The following COL14A1 variants were observed in gnomAD, a reference collection of about 807,000 sequenced individuals.
COL14A1 encodes collagen alpha-1(XIV) chain.
COL14A1 carries 136 observed loss-of-function variants against 230.3 expected under a neutral mutation model. The ratio of observed to expected loss-of-function variants is 0.59; its 90% CI spans 0.51 to 0.68. The LOEUF (loss-of-function observed/expected upper bound fraction) is 0.68, where lower values mean the gene tolerates loss of function less well. Ranked by LOEUF, COL14A1 falls within the 30% of genes least tolerant of loss-of-function variation. COL14A1 has a pLI of 0.00. For missense variants in COL14A1, 1,976 were observed against 2,215.8 expected (o/e 0.89, Z 2.17); for synonymous variants, 792 against 784.1 (o/e 1.01, Z -0.17).
In COL14A1 at chr8:120,266,801, A is replaced by C. The variant is rs764218975; in HGVS notation, c.3017-26A>C. On this transcript the variant is annotated intron_variant, in intron 24 of 47. Transcript: ENST00000297848. ...TCCCCACAGATGAGATGGTGAACTGATGTCCTTTCTCCCTTTCCTTTACAG... is the reference window on the plus strand; with the variant it reads ...TCCCCACAGATGAGATGGTGAACTGCTGTCCTTTCTCCCTTTCCTTTACAG... 1.9e-6 allele frequency: 3 copies of C among 1,598,376 alleles called. No individual in the cohort carries two copies. In the South Asian group the frequency reaches 3.3e-5, roughly 18 times the overall value.
At chr8:120,309,647 A>T (rs1820964113) in intron 36 of COL14A1, among the ~76,000 whole-genome samples, 1 of 152,162 alleles carries the variant, frequency 6.6e-6, no homozygotes, top group Non-Finnish European at 1.5e-5. Context: ...ATCATCTCAA[A>T]GTTATGTTTT....
chr8:120,193,855 G>C (rs749553106), intron 5 of COL14A1, among the ~76,000 whole-genome samples: 2 of 152,194 alleles, frequency 1.3e-5, no homozygotes, highest in African/African-American at 4.8e-5. Flanking sequence ...CTCCGAGCCA[G>C]GTGTGGGATA....
Position 120,143,202 on chromosome 8 carries a change from T to TA in COL14A1, c.-37-4601dup, listed in dbSNP as rs1164657640. Among the ~76,000 whole-genome samples, 4 of 152,062 alleles carry TA rather than the reference T, an allele frequency of 2.6e-5. No homozygotes were observed. In the East Asian group the frequency reaches 7.7e-4, roughly 29 times the overall value. ...AAAATCTTCAGGCCTAGCTCCAGTC[T>TA]AAAGCCTGATTGGCATATGCCTTAC... On this transcript the variant is annotated intron_variant, in intron 1 of 47. Coordinates refer to ENST00000297848, the MANE Select transcript of COL14A1 (RefSeq NM_021110.4).
In COL14A1 at chr8:120,371,885, CAA is replaced by C. The variant is rs1812170111; in HGVS notation, c.*656_*657del. 2.8e-6 allele frequency: 1 copy of C among 360,220 alleles called. No homozygotes were observed. Among genetic ancestry groups the C allele is most frequent in the South Asian group, 1.5e-4 (1 of 6,686 alleles). The allele number at this position is 360,220 out of a possible 1,614,324, so 22.3% of individuals were successfully genotyped here. A position where few individuals can be genotyped will look rare whatever the true frequency, so the allele number is the denominator to read the frequency against. On this transcript the variant is annotated 3_prime_UTR_variant, in exon 48 of 48. Transcript: ENST00000297848. ...TAATGATTTTCCACCAGCTCTGATG[CAA>C]AGAGATATAATTTTAATGAACGATT...
At chr8:120,137,038 G>A (rs1319590049) in intron 1 of COL14A1, among the ~76,000 whole-genome samples, 1 of 149,750 alleles carries the variant, frequency 6.7e-6, no homozygotes, top group Non-Finnish European at 1.5e-5. Flanking sequence ...TGTAGGATTG[G>A]TATTATATTT....
intron 5 of COL14A1, among the ~76,000 whole-genome samples, chr8:120,192,038 C>T (rs1816844879): frequency 6.6e-6 from 1 of 151,478 alleles, no homozygotes; most frequent in Admixed American, 6.6e-5. Flanking sequence ...GCATTTAGTC[C>T]ATTTACATTT....
In COL14A1 at chr8:120,220,277, A is replaced by ATTTT. The variant is rs34611162; in HGVS notation, c.1737+3799_1737+3802dup. Among the ~76,000 whole-genome samples, 464 of 141,970 alleles carry ATTTT rather than the reference A, an allele frequency of 3.3e-3. 16 individuals carry two copies. The highest frequency in any genetic ancestry group is 8.0e-3 in the South Asian group (35 of 4,394). 93.1% of individuals were successfully genotyped at this position (141,970 alleles called of 152,430 possible). ...CTGCTTAGTACCCAACATGCAATTGATTTTTTTTTTTTTTTGAGATGAAGT... is the reference window on the plus strand; with the variant it reads ...CTGCTTAGTACCCAACATGCAATTGATTTTTTTTTTTTTTTTTTTGAGATGAAGT... On this transcript the variant is annotated intron_variant, in intron 14 of 47. Transcript: ENST00000297848.
rs1222824260 is a variant in COL14A1 at position 120,203,797 on chromosome 8, G to T, written c.966G>T (p.Leu322=). Residue 322 remains leucine (L), a synonymous_variant, in exon 9 of 48, where the codon CTG becomes CTT. Transcript: ENST00000297848. ...THVYNVAEFD[L]MHTVVESLTR... ...TGTACAATGTTGCCGAATTCGATCTGATGCACACAGTTGTGGAGAGTCTGA... is the reference window on the plus strand; with the variant it reads ...TGTACAATGTTGCCGAATTCGATCTTATGCACACAGTTGTGGAGAGTCTGA... 6.2e-7 allele frequency: 1 copy of T among 1,613,958 alleles called. No homozygotes were observed. Among genetic ancestry groups the T allele is most frequent in the Admixed American group, 1.7e-5 (1 of 59,984 alleles).
chr8:120,289,618 T>A lies in COL14A1; in HGVS notation c.4088T>A (p.Val1363Asp). The A allele has an allele frequency of 6.2e-7, 1 of 1,613,900 alleles. No homozygotes were observed. Among genetic ancestry groups the A allele is most frequent in the Non-Finnish European group, 8.5e-7 (1 of 1,179,900 alleles). Residue 1363 changes from valine to aspartate, a missense_variant, in exon 34 of 48, where the codon GTT (valine) becomes GAT (aspartate). Val to Asp is a radical substitution (Grantham distance 152). This residue lies in a region of COL14A1 where 1,791 missense variants were observed against 2,019.5 expected (regional missense o/e 0.89). Coordinates refer to ENST00000297848, the MANE Select transcript of COL14A1 (RefSeq NM_021110.4). ...CTTACTTTTACCTAGCTACACATTGTTGTCAGTGAGACTTTGGTCAAAGTG... is the reference window on the plus strand; with the variant it reads ...CTTACTTTTACCTAGCTACACATTGATGTCAGTGAGACTTTGGTCAAAGTG... ...FYGSFHKLHI[V>D]VSETLVKVVI...
At chr8:120,126,639 G>A (rs1814348687) in intron 1 of COL14A1, among the ~76,000 whole-genome samples, 1 of 152,202 alleles carries the variant, frequency 6.6e-6, no homozygotes, top group South Asian at 2.1e-4. Context: ...GGGACAGGGA[G>A]GGCACTTTTT....
intron 35 of COL14A1, among the ~76,000 whole-genome samples, chr8:120,299,157 G>A (rs1214667935): frequency 6.6e-6 from 1 of 151,958 alleles, no homozygotes; most frequent in East Asian, 1.9e-4. Flanking sequence ...TGACACGTGA[G>A]GATTATGGGA....
At position 120,199,286 on chromosome 8, in the gene COL14A1, C is replaced by A. The variant is rs550340100; in HGVS notation, c.713-116C>A. On this transcript the variant is annotated intron_variant, in intron 7 of 47. Transcript: ENST00000297848. Reference sequence around the variant, plus strand: ...ACGTTATTACAAAAATGAAGATTTGCATGTAATAAAAAGTCTATGGCTCAA... The same window carrying A: ...ACGTTATTACAAAAATGAAGATTTGAATGTAATAAAAAGTCTATGGCTCAA... 470 of 850,040 alleles carry A rather than the reference C, an allele frequency of 5.5e-4. No individual in the cohort carries two copies. In the African/African-American group the frequency reaches 7.5e-3, roughly 14 times the overall value. 52.7% of individuals were successfully genotyped at this position (850,040 alleles called of 1,614,324 possible). A position where few individuals can be genotyped will look rare whatever the true frequency, so the allele number is the denominator to read the frequency against.
intron 1 of COL14A1, among the ~76,000 whole-genome samples, chr8:120,137,378 G>A (rs1814750780): frequency 6.6e-6 from 1 of 151,958 alleles, no homozygotes; most frequent in Non-Finnish European, 1.5e-5. Flanking sequence ...CTTCCTAAAG[G>A]TTTTTAAATT....
intron 11 of COL14A1, among the ~76,000 whole-genome samples, chr8:120,208,617 ACATT>A (rs1269942273): frequency 1.3e-5 from 2 of 152,174 alleles, no homozygotes; most frequent in African/African-American, 4.8e-5. Flanking sequence ...AGTACAAAAA[ACATT>A]CATTCATTTA....
intron 3 of COL14A1, among the ~76,000 whole-genome samples, chr8:120,161,390 A>T (rs1297964327): frequency 6.6e-6 from 1 of 152,204 alleles, no homozygotes; most frequent in Non-Finnish European, 1.5e-5. Context: ...AATTCTGCAT[A>T]AAAGTTGAGT....
At chr8:120,247,934 T>C (rs944582834) in intron 21 of COL14A1, among the ~76,000 whole-genome samples, 199 bp downstream of exon 21, 1 of 152,152 alleles carries the variant, frequency 6.6e-6, no homozygotes, top group Non-Finnish European at 1.5e-5. Context: ...ATGATGAAGC[T>C]ATGACATCAC....
At chr8:120,127,414 C>G (rs904443327) in intron 1 of COL14A1, among the ~76,000 whole-genome samples, 1 of 152,192 alleles carries the variant, frequency 6.6e-6, no homozygotes, top group Non-Finnish European at 1.5e-5. Flanking sequence ...TTCCTTGGAA[C>G]CCATCAGGAT....
At chr8:120,210,669 A>T (rs1261353500) in intron 12 of COL14A1, among the ~76,000 whole-genome samples, 1 of 152,180 alleles carries the variant, frequency 6.6e-6, no homozygotes, top group Non-Finnish European at 1.5e-5. Flanking sequence ...AGGAATGAAG[A>T]GGATGAATCT....
At chr8:120,259,734 GA>G (rs1225428633) in intron 23 of COL14A1, among the ~76,000 whole-genome samples, 6 of 152,164 alleles carry the variant, frequency 3.9e-5, no homozygotes, top group Admixed American at 1.3e-4. Flanking sequence ...AAATGTGACA[GA>G]AAAGTGCATT....
Sources: allele counts gnomAD v4.1 joint callset (sites outside exome capture counted in the v4.1 genomes callset), GRCh38; gene constraint gnomAD v4.1.1; regional missense constraint gnomAD v4.1.1; transcripts MANE v1.5; gene names NCBI Gene and HGNC (gene_info 2026-07-23, HGNC 2026-07-21).